The following PAXIP1 variants were observed in gnomAD, a reference collection of about 807,000 sequenced individuals.
PAXIP1 encodes the protein PAX-interacting protein 1.
Under a neutral mutation model 140.6 loss-of-function variants are expected in PAXIP1, and 19 were observed. The observed-to-expected ratio is 0.14, with a 90% CI of 0.09 to 0.20. PAXIP1 has a LOEUF of 0.20. Among genes scored for constraint, PAXIP1 ranks in the 10% least tolerant of loss-of-function variants. The pLI is 1.00. For missense variants in PAXIP1, 920 were observed against 1,208.6 expected, an observed-to-expected ratio of 0.76 and a Z score of 3.54; for synonymous variants, 442 against 444.6, an observed-to-expected ratio of 0.99 and a Z score of 0.07.
chr7:154,968,381 A>T (rs1331213694), intron 7 of PAXIP1, 22 bp downstream of exon 7: 10 of 1,512,528 alleles, frequency 6.6e-6, no homozygotes, highest in Non-Finnish European at 8.9e-6. Context: ...AGGAGAGAGG[A>T]AAAATAATCT....
At position 154,976,129 on chromosome 7, in the gene PAXIP1, G is replaced by A. The variant is rs1271074579; in HGVS notation, c.641C>T (p.Thr214Ile). ...EEQDSQNEGS[T>I]DEKSSPASSQ... ...GCTGGCAGGGCTTGACTTCTCATCT[G>A]TACTACCCTCATTCTGAGAATCTTG... The change falls in exon 6 of 21, where the codon ACA becomes ATA. Residue 214 changes from threonine to isoleucine, a missense_variant. Thr to Ile is a moderately conservative substitution (Grantham distance 89). Coordinates refer to ENST00000404141, the MANE Select transcript of PAXIP1 (RefSeq NM_007349.4). The A allele has an allele frequency of 6.4e-7, 1 of 1,571,866 alleles. No individual in the cohort carries two copies. The highest frequency in any genetic ancestry group is 8.6e-7 in the Non-Finnish European group (1 of 1,157,094).
chr7:154,977,054 C>A (rs1809613794), intron 5 of PAXIP1, among the ~76,000 whole-genome samples: 2 of 152,136 alleles, frequency 1.3e-5, no homozygotes, highest in African/African-American at 2.4e-5. Context: ...TGAGCTTTGG[C>A]TGGGGCACAA....
chr7:154,977,992 T>TTTTAATGTAC (rs1563379940), intron 5 of PAXIP1, among the ~76,000 whole-genome samples: 4 of 152,104 alleles, frequency 2.6e-5, no homozygotes, highest in African/African-American at 9.7e-5. Context: ...CAGACCAAAT[T>TTTTAATGTAC]AGAGACTAGT....
At chr7:154,981,289 G>A (rs1044357731) in intron 5 of PAXIP1, among the ~76,000 whole-genome samples, 3 of 152,128 alleles carry the variant, frequency 2.0e-5, no homozygotes, top group Admixed American at 6.5e-5. Context: ...TAATGGCTGC[G>A]TATTAGTGTT....
chr7:154,974,718 C>T (rs1043988605), intron 6 of PAXIP1: 5 of 152,152 alleles, frequency 3.3e-5, no homozygotes, highest in Non-Finnish European at 5.9e-5. Flanking sequence ...TATTTCTCCA[C>T]TTACTGTATG....
chr7:154,944,363 GC>G, intron 20 of PAXIP1, 199 bp from the exon 21 acceptor site: 1 of 500,306 alleles, frequency 2.0e-6, no homozygotes, highest in Non-Finnish European at 3.6e-6. Flanking sequence ...GGCTCACTCA[GC>G]CCGGGGACAT....
intron 5 of PAXIP1, among the ~76,000 whole-genome samples, chr7:154,978,528 G>A (rs1809702290): frequency 6.6e-6 from 1 of 152,086 alleles, no homozygotes; most frequent in Non-Finnish European, 1.5e-5. Context: ...AGCATAAAAT[G>A]TTATATAGCT....
At chr7:154,957,973 C>CAA (rs35027196) in intron 13 of PAXIP1, among the ~76,000 whole-genome samples, 7,676 of 91,192 alleles carry the variant, frequency 0.084, 522 homozygotes, top group Middle Eastern at 0.14. Context: ...GACTCCGTCT[C>CAA]AAAAAAAAAA....
chr7:154,976,565 T>G (rs1423373960), intron 5 of PAXIP1, among the ~76,000 whole-genome samples: 1 of 152,028 alleles, frequency 6.6e-6, no homozygotes, highest in Non-Finnish European at 1.5e-5. Context: ...GTAGCAGGAG[T>G]CTTAAAAGAC....
rs879872891 is a variant in PAXIP1 at position 154,979,586 on chromosome 7, G to T, written c.439-3255C>A. Among the ~76,000 whole-genome samples, 8 of 151,352 alleles carry T rather than the reference G, an allele frequency of 5.3e-5. No individual in the cohort carries two copies. In the East Asian group the frequency reaches 1.4e-3, roughly 26 times the overall value. ...GGGATTTAATTTTTCAAATATTTGT[G>T]GTTATTGAGTTACATAAGCCACAAA... is the stretch of plus-strand genomic sequence containing the variant. On this transcript the variant is annotated intron_variant, in intron 5 of 20. Transcript: ENST00000404141.
At chr7:154,977,513 T>A (rs1361202746) in intron 5 of PAXIP1, among the ~76,000 whole-genome samples, 1 of 152,212 alleles carries the variant, frequency 6.6e-6, no homozygotes, top group Non-Finnish European at 1.5e-5. Flanking sequence ...GCATTGCCCA[T>A]CTGGGAGATC....
rs866233500 is a variant in PAXIP1, at chr7:154,960,925, G to A, written c.2402C>T (p.Ala801Val). ...YTAFSLQDPF[A>V]PTQHLVLNLL... ...ATTTAAAACTAAATGCTGGGTAGGGGCAAATGGATCCTGCAGACTGAATGC... is the reference window on the plus strand; with the variant it reads ...ATTTAAAACTAAATGCTGGGTAGGGACAAATGGATCCTGCAGACTGAATGC... The change falls in exon 12 of 21, where the codon GCC becomes GTC. Residue 801 changes from alanine (A) to valine (V), a missense_variant. Physicochemically the swap from Ala to Val is moderately conservative, Grantham distance 64. Coordinates refer to ENST00000404141, the MANE Select transcript of PAXIP1 (RefSeq NM_007349.4). The A allele has an allele frequency of 1.3e-6, 2 of 1,598,322 alleles. No homozygotes were observed. Among genetic ancestry groups the A allele is most frequent in the Non-Finnish European group, 8.5e-7 (1 of 1,172,782 alleles).
chr7:154,958,424 C>G (rs1387009917), intron 13 of PAXIP1, among the ~76,000 whole-genome samples: 1 of 152,226 alleles, frequency 6.6e-6, no homozygotes, highest in Non-Finnish European at 1.5e-5. Flanking sequence ...TCAACTACAA[C>G]TTATTTTTTC....
At chr7:154,961,183 A>G in intron 11 of PAXIP1, 106 bp from the exon 12 acceptor site, 1 of 918,580 alleles carries the variant, frequency 1.1e-6, no homozygotes, top group Non-Finnish European at 1.6e-6. Context: ...TTCTCATAAT[A>G]GAAGTGGGAG....
intron 5 of PAXIP1, 148 bp downstream of exon 5, chr7:154,983,071 G>A: frequency 8.2e-6 from 4 of 486,546 alleles, no homozygotes; most frequent in Non-Finnish European, 1.5e-5. Flanking sequence ...TTTGTGGAAT[G>A]AAGCTGGATA....
chr7:154,980,994 G>A (rs986557415), intron 5 of PAXIP1, among the ~76,000 whole-genome samples: 2 of 152,220 alleles, frequency 1.3e-5, no homozygotes, highest in Non-Finnish European at 2.9e-5. Context: ...GGTGGCACGA[G>A]CCTGTAATCC....
intron 2 of PAXIP1, among the ~76,000 whole-genome samples, chr7:154,996,294 A>G (rs1165513163): frequency 6.6e-6 from 1 of 152,252 alleles, no homozygotes; most frequent in Non-Finnish European, 1.5e-5. Context: ...TCCCTGGACA[A>G]TACAGGTGCT....
At position 154,986,997 on chromosome 7, in the gene PAXIP1, G is replaced by A. The variant is rs1810103532; in HGVS notation, c.325-3665C>T. Among the ~76,000 whole-genome samples, 1 of 152,230 alleles carries A rather than the reference G, an allele frequency of 6.6e-6. No individual in the cohort carries two copies. The highest frequency in any genetic ancestry group is 2.4e-5 in the African/African-American group (1 of 41,460). The stretch of plus-strand genomic sequence containing the variant: ...GTAAAATTGGACCTTTCACCTGACA[G>A]TGGGTGAGCAGAGCCCCTTCCCAGA... On this transcript the variant is annotated intron_variant, in intron 4 of 20. Transcript: ENST00000404141. The surrounding 1 kb of genome is among the most constrained non-coding windows in gnomAD (Gnocchi z 4.8).
At chr7:154,945,768 C>A (rs1019432749) in intron 20 of PAXIP1, 2 of 985,018 alleles carry the variant, frequency 2.0e-6, no homozygotes, top group Non-Finnish European at 2.4e-6. Flanking sequence ...ATAGGCTGTT[C>A]CTACATTAAA....
Sources: allele counts gnomAD v4.1 joint callset (sites outside exome capture counted in the v4.1 genomes callset), GRCh38; gene constraint gnomAD v4.1.1; non-coding constraint Gnocchi (gnomAD v3.1); transcripts MANE v1.5; gene names NCBI Gene and HGNC (gene_info 2026-07-23, HGNC 2026-07-21).